WDR33: variants seen among roughly 807,000 people sequenced by gnomAD.
WDR33 encodes the protein pre-mRNA 3' end processing protein WDR33.
A neutral mutation model predicts 164.9 loss-of-function variants in WDR33; 47 were observed. The ratio of observed to expected loss-of-function variants is 0.29; its 90% confidence interval spans 0.23 to 0.36. The LOEUF is 0.36. Ranked by LOEUF, WDR33 falls within the 10% of genes least tolerant of loss-of-function variation. The pLI is 1.00. For missense variants in WDR33, 1,137 were observed against 1,754.1 expected, an observed-to-expected ratio of 0.65 and a Z score of 6.28; for synonymous variants, 505 against 589.0, an observed-to-expected ratio of 0.86 and a Z score of 2.06.
intron 1 of WDR33, among the ~76,000 whole-genome samples, chr2:127,774,164 G>A (rs1191269257): frequency 6.7e-6 from 1 of 149,932 alleles, no homozygotes; most frequent in South Asian, 2.1e-4. Flanking sequence ...CAATTCTGCT[G>A]CCTCAGCCTC....
chr2:127,729,045 C>T (rs1346375792), intron 7 of WDR33, among the ~76,000 whole-genome samples: 2 of 152,330 alleles, frequency 1.3e-5, no homozygotes, highest in East Asian at 3.9e-4. Flanking sequence ...AGTGAGGAAT[C>T]TCATGAATTT....
intron 1 of WDR33, among the ~76,000 whole-genome samples, chr2:127,788,251 C>G: frequency 1.6e-5 from 1 of 64,396 alleles, no homozygotes; most frequent in South Asian, 5.0e-4. Context: ...GGGGGCTGAC[C>G]CCCCCCACCT....
At position 127,738,354 on chromosome 2, in the gene WDR33, G is replaced by A. The variant is rs1686915406; in HGVS notation, c.725-11577C>T. Among the ~76,000 whole-genome samples the A allele has an allele frequency of 6.6e-6, 1 of 151,990 alleles. No individual in the cohort carries two copies. Among genetic ancestry groups the A allele is most frequent in the South Asian group, 2.1e-4 (1 of 4,820 alleles). On this transcript the variant is annotated intron_variant, in intron 7 of 21. Transcript: ENST00000322313. The surrounding 1 kb of genome is among the most constrained non-coding windows in gnomAD (Gnocchi z 4.4). ...TCCATACTGATATAAGCAAATAACT[G>A]AATAAATAAGTGGAGAAGAGTGAAG...
At chr2:127,799,280 T>C (rs1179537463) in intron 1 of WDR33, among the ~76,000 whole-genome samples, 2 of 151,974 alleles carry the variant, frequency 1.3e-5, no homozygotes, top group African/African-American at 4.8e-5. Context: ...TTTGCTTCAA[T>C]GACACCATAA....
In WDR33 at chr2:127,719,853, G is replaced by T; in HGVS notation, c.2172C>A (p.Gly724=). The T allele has an allele frequency of 6.2e-7, 1 of 1,613,400 alleles. No individual in the cohort carries two copies. The highest frequency in any genetic ancestry group is 8.5e-7 in the Non-Finnish European group (1 of 1,179,910). ...CCTGTGGGCCCAAGTGACCCTGAGG[G>T]CCAGGCGGGCCTTGGGGGCCTATGT... ...QGHIGPQGPP[G]PQGHLGPQGP... is the part of the protein sequence containing the mutation. Residue 724 remains glycine, a synonymous_variant, in exon 16 of 22, where the codon GGC becomes GGA. Transcript: ENST00000322313. The surrounding 1 kb of genome is among the most constrained non-coding windows in gnomAD (Gnocchi z 6.5).
At chr2:127,803,248 G>T (rs1262357686) in intron 1 of WDR33, among the ~76,000 whole-genome samples, 1 of 152,112 alleles carries the variant, frequency 6.6e-6, no homozygotes, top group Non-Finnish European at 1.5e-5. Context: ...TTTCTGTGTA[G>T]AAAATGCCAC....
chr2:127,781,310 A>AG (rs961634922), intron 1 of WDR33, among the ~76,000 whole-genome samples: 2 of 152,164 alleles, frequency 1.3e-5, no homozygotes, highest in African/African-American at 2.4e-5. Flanking sequence ...GCCAAGAGTT[A>AG]GGGGGGTAGG....
Position 127,722,766 on chromosome 2 carries a change from T to G in WDR33, c.1379-36A>C. 1 of 1,601,428 alleles carries G rather than the reference T, an allele frequency of 6.2e-7. No homozygotes were observed. The highest frequency in any genetic ancestry group is 8.5e-7 in the Non-Finnish European group (1 of 1,174,986). On this transcript the variant is annotated intron_variant, in intron 13 of 21. Transcript: ENST00000322313. This position sits in a 1 kb window ranked among gnomAD's most constrained non-coding sequence, Gnocchi z 5.1. ...AAAGAAAAGTGGTTTGCCTCTTAAA[T>G]AAAAGAAATTGGCCACTTGATCAAT...
At chr2:127,734,761 A>C (rs1686797846) in intron 7 of WDR33, among the ~76,000 whole-genome samples, 1 of 152,194 alleles carries the variant, frequency 6.6e-6, no homozygotes, top group African/African-American at 2.4e-5. Context: ...ACTTAGAATA[A>C]AAGTCTTCTG....
rs948005578 is a variant in WDR33 at position 127,714,434 on chromosome 2, C to T, written c.2870-413G>A. On this transcript the variant is annotated intron_variant, in intron 17 of 21. Transcript: ENST00000322313. This position sits in a 1 kb window ranked among gnomAD's most constrained non-coding sequence, Gnocchi z 4.3. ...GAAATTAATGCTGCAGGCCAGGAAG[C>T]GTGCCAAGAATTCACCTCTGTACCC... is the stretch of plus-strand genomic sequence containing the variant. Among the ~76,000 whole-genome samples the T allele has an allele frequency of 1.3e-5, 2 of 152,172 alleles. No individual in the cohort carries two copies. Among genetic ancestry groups the T allele is most frequent in the African/African-American group, 2.4e-5 (1 of 41,440 alleles).
In WDR33 at chr2:127,719,458, G is replaced by T. The variant is rs781125536; in HGVS notation, c.2567C>A (p.Pro856Gln). Reference sequence around the variant, plus strand: ...CGGCCCCTGCTGACTTTGTGAGCCTGGAGGCCCTCGCAATTCCTGGGGAGG... The same window carrying T: ...CGGCCCCTGCTGACTTTGTGAGCCTTGAGGCCCTCGCAATTCCTGGGGAGG... ...LGPPQELRGP[P>Q]GSQSQQGPPQ... The change falls in exon 16 of 22, where the codon CCA becomes CAA. Residue 856 changes from proline (P) to glutamine (Q), a missense_variant. By Grantham distance (76) the Pro-to-Gln change is moderately conservative (BLOSUM62 -1). Transcript: ENST00000322313. This position sits in a 1 kb window ranked among gnomAD's most constrained non-coding sequence, Gnocchi z 6.5. The T allele has an allele frequency of 6.3e-7, 1 of 1,586,848 alleles. No homozygotes were observed. The highest frequency in any genetic ancestry group is 1.1e-5 in the South Asian group (1 of 87,938).
At position 127,701,872 on chromosome 2, in the gene WDR33, G is replaced by C; in HGVS notation, c.*4451C>G. ...AAGTTCGCGCTGCTCTGGTCACTGGGCTCGGCGCTGGCGTTGGCGGGAAGC... is the reference window on the plus strand; with the variant it reads ...AAGTTCGCGCTGCTCTGGTCACTGGCCTCGGCGCTGGCGTTGGCGGGAAGC... On this transcript the variant is annotated 3_prime_UTR_variant, in exon 22 of 22. Transcript: ENST00000322313. 5 of 1,459,536 alleles carry C rather than the reference G, an allele frequency of 3.4e-6. No homozygotes were observed. The highest frequency in any genetic ancestry group is 4.5e-6 in the Non-Finnish European group (5 of 1,111,400). 90.4% of individuals were successfully genotyped at this position (1,459,536 alleles called of 1,614,324 possible).
rs1687730418 is a variant in WDR33 at position 127,763,247 on chromosome 2, G to A, written c.627-88C>T. 1 of 1,596,164 alleles carries A rather than the reference G, an allele frequency of 6.3e-7. No homozygotes were observed. Among genetic ancestry groups the A allele is most frequent in the Non-Finnish European group, 8.5e-7 (1 of 1,170,008 alleles). On this transcript the variant is annotated intron_variant, in intron 6 of 21. Transcript: ENST00000322313. The surrounding 1 kb of genome is among the most constrained non-coding windows in gnomAD (Gnocchi z 4.5). ...TCAGACAGGGAAAAATAAAAACACT[G>A]TGCTGCATTATAAACAGGAGAGGGA...
In WDR33 at chr2:127,701,772, G is replaced by GGGTGCCT. The variant is rs769591410; in HGVS notation, c.*4544_*4550dup. Reference sequence around the variant, plus strand: ...CGGGCAGCGGCTGGCGGCGGGCGGCGGGTGCCTGCTGCTGGCTGCACTGTG... The same window carrying GGGTGCCT: ...CGGGCAGCGGCTGGCGGCGGGCGGCGGGTGCCTGGTGCCTGCTGCTGGCTGCACTGTG... On this transcript the variant is annotated 3_prime_UTR_variant, in exon 22 of 22. Transcript: ENST00000322313. The GGGTGCCT allele has an allele frequency of 7.0e-7, 1 of 1,428,334 alleles. No individual in the cohort carries two copies. Among genetic ancestry groups the GGGTGCCT allele is most frequent in the South Asian group, 1.4e-5 (1 of 73,768 alleles). 88.5% of individuals were successfully genotyped at this position (1,428,334 alleles called of 1,614,324 possible).
intron 1 of WDR33, among the ~76,000 whole-genome samples, chr2:127,802,438 C>T (rs930383548): frequency 1.3e-5 from 2 of 151,994 alleles, no homozygotes; most frequent in African/African-American, 2.4e-5. Flanking sequence ...TGTGCCACCA[C>T]GCCTGGCTAA....
At chr2:127,772,848 C>T (rs1285318544) in intron 1 of WDR33, among the ~76,000 whole-genome samples, 1 of 151,490 alleles carries the variant, frequency 6.6e-6, no homozygotes, top group East Asian at 1.9e-4. Flanking sequence ...TCAGGCCAGG[C>T]ATGGTGGCTC....
At chr2:127,750,650 TAAAAAAAA>T (rs1174539929) in intron 7 of WDR33, among the ~76,000 whole-genome samples, 40 of 14,932 alleles carry the variant, frequency 2.7e-3, no homozygotes, top group East Asian at 8.4e-3. Context: ...AACTCCATCT[TAAAAAAAA>T]AAAAAAAAAA....
chr2:127,768,261 A>G lies in WDR33; in HGVS notation c.306T>C (p.Pro102=), dbSNP rs1465827738. The G allele has an allele frequency of 6.3e-7, 1 of 1,583,122 alleles. No homozygotes were observed. Among genetic ancestry groups the G allele is most frequent in the Admixed American group, 1.7e-5 (1 of 57,682 alleles). ...LVPPIGMLNN[P]MNAVTTKFVR... ...CAAATTTTGTTGTTACTGCATTCAT[A>G]GGATTATTCAACATTCCTATAGGTG... The change falls in exon 4 of 22, where the codon CCT becomes CCC. Residue 102 remains proline, a synonymous_variant. Coordinates refer to ENST00000322313, the MANE Select transcript of WDR33 (RefSeq NM_018383.5).
chr2:127,774,777 CAG>C (rs2105450398), intron 1 of WDR33, among the ~76,000 whole-genome samples: 1 of 151,612 alleles, frequency 6.6e-6, no homozygotes, highest in African/African-American at 2.4e-5. Context: ...TTGCAGTGAG[CAG>C]AGATTCCGCC....
Sources: allele counts gnomAD v4.1 joint callset (sites outside exome capture counted in the v4.1 genomes callset), GRCh38; gene constraint gnomAD v4.1.1; non-coding constraint Gnocchi (gnomAD v3.1); transcripts MANE v1.5; gene names NCBI Gene and HGNC (gene_info 2026-07-23, HGNC 2026-07-21).